DIP2C: variants seen among roughly 807,000 people sequenced by gnomAD.
DIP2C encodes the protein disco-interacting protein 2 homolog C.
A neutral mutation model predicts 192.4 loss-of-function variants in DIP2C; 33 were observed. The observed-to-expected ratio is 0.17, with a 90% CI of 0.13 to 0.23. DIP2C has a LOEUF of 0.23. Among genes scored for constraint, DIP2C ranks in the 10% least tolerant of loss-of-function variants. The probability of loss-of-function intolerance (pLI) is 1.00; values close to 1 mark genes in which losing one functional copy is unlikely to be tolerated. For synonymous variants in DIP2C, 979 were observed against 864.1 expected (o/e 1.13, Z -2.33); for missense variants, 1,537 against 2,110.1 (o/e 0.73, Z 5.32).
intron 29 of DIP2C, 89 bp downstream of exon 29, chr10:341,110 G>T: frequency 1.9e-6 from 3 of 1,567,858 alleles, no homozygotes; most frequent in Non-Finnish European, 2.6e-6. Flanking sequence ...GGGTGTGGGG[G>T]CAGTGCTTAG....
intron 1 of DIP2C, among the ~76,000 whole-genome samples, chr10:504,565 C>A (rs968721932): frequency 6.6e-6 from 1 of 151,904 alleles, no homozygotes. Flanking sequence ...CCAAGTCTGA[C>A]CATGCAGAGA....
chr10:654,315 G>A (rs556969072), intron 1 of DIP2C, among the ~76,000 whole-genome samples: 20 of 152,306 alleles, frequency 1.3e-4, no homozygotes, highest in Non-Finnish European at 2.5e-4. Context: ...AAAGACAGAA[G>A]CCCGTTTCTG....
rs945362868 is a variant in DIP2C, at chr10:555,886, C to T, written c.86-69356G>A. Among the ~76,000 whole-genome samples the T allele has an allele frequency of 2.6e-5, 4 of 152,262 alleles. No individual in the cohort carries two copies. The Middle Eastern group carries it at 0.01, about 388-fold the overall frequency. On this transcript the variant is annotated intron_variant, in intron 1 of 36. Transcript: ENST00000280886. ...TCAAGTCACAGAACACGGTCTTCAG[C>T]GAACACCCTTCCTGCATGACCTCCA...
At position 415,921 on chromosome 10, in the gene DIP2C, G is replaced by T. The variant is rs372738375; in HGVS notation, c.740-33C>A. The T allele has an allele frequency of 6.5e-5, 105 of 1,612,994 alleles. No individual in the cohort carries two copies. In the South Asian group the frequency reaches 1.1e-3, roughly 17 times the overall value. ...ACAGGAATCAGCGGGTGGGGAAAGC[G>T]ATCATCACAGCTTCAATGAGCACCC... On this transcript the variant is annotated intron_variant, in intron 6 of 36. Coordinates refer to ENST00000280886, the MANE Select transcript of DIP2C (RefSeq NM_014974.3).
At position 651,194 on chromosome 10, in the gene DIP2C, A is replaced by T. The variant is rs1159015929; in HGVS notation, c.85+38300T>A. ...GGTCTGGGACCACCGTCCTCCACGC[A>T]TATCTACAGACCCTGTCCTCACCTG... On this transcript the variant is annotated intron_variant, in intron 1 of 36. Coordinates refer to ENST00000280886, the MANE Select transcript of DIP2C (RefSeq NM_014974.3). This position sits in a 1 kb window ranked among gnomAD's most constrained non-coding sequence, Gnocchi z 4.1. 1 of 717,406 alleles carries T rather than the reference A, an allele frequency of 1.4e-6. No individual in the cohort carries two copies. Among genetic ancestry groups the T allele is most frequent in the Admixed American group, 2.0e-5 (1 of 50,020 alleles). The allele number at this position is 717,406 out of a possible 1,614,324, so 44.4% of individuals were successfully genotyped here. A position where few individuals can be genotyped will look rare whatever the true frequency, so the allele number is the denominator to read the frequency against.
intron 17 of DIP2C, chr10:370,070 A>T: frequency 1.0e-6 from 1 of 983,434 alleles, no homozygotes; most frequent in Non-Finnish European, 1.2e-6. Flanking sequence ...AAAACCACTG[A>T]ACAGCAATGA....
intron 1 of DIP2C, among the ~76,000 whole-genome samples, chr10:670,805 C>T (rs1003524058): frequency 2.0e-5 from 3 of 152,188 alleles, no homozygotes; most frequent in African/African-American, 7.2e-5. Flanking sequence ...GTTTTTGAGA[C>T]TATGTCTTCC....
At chr10:551,168 C>T (rs1848565452) in intron 1 of DIP2C, among the ~76,000 whole-genome samples, 1 of 152,230 alleles carries the variant, frequency 6.6e-6, no homozygotes, top group Non-Finnish European at 1.5e-5. Context: ...CACCCACAGC[C>T]AGTCCCCTCC....
chr10:286,448 A>G (rs1955136395), intron 33 of DIP2C, 101 bp from the exon 34 acceptor site: 2 of 1,095,752 alleles, frequency 1.8e-6, no homozygotes, highest in Admixed American at 1.8e-5. Flanking sequence ...TCCTTTCAAG[A>G]CTGTTTAGAA....
chr10:662,024 A>G (rs1856791502), intron 1 of DIP2C: 1 of 715,264 alleles, frequency 1.4e-6, no homozygotes, highest in Non-Finnish European at 2.6e-6. Context: ...AGTGCCCCGC[A>G]GGAGCCTGGC....
At chr10:492,985 G>C (rs1317675117) in intron 1 of DIP2C, among the ~76,000 whole-genome samples, 2 of 152,212 alleles carry the variant, frequency 1.3e-5, no homozygotes, top group African/African-American at 4.8e-5. Flanking sequence ...TATGAATGCC[G>C]ATGGAATTTT....
chr10:332,144 G>T (rs2132475681), intron 29 of DIP2C, among the ~76,000 whole-genome samples: 1 of 152,162 alleles, frequency 6.6e-6, no homozygotes, highest in South Asian at 2.1e-4. Flanking sequence ...TGGAGATGGG[G>T]TCTCACTATG....
At chr10:656,624 T>C (rs1248937079) in intron 1 of DIP2C, among the ~76,000 whole-genome samples, 1 of 152,224 alleles carries the variant, frequency 6.6e-6, no homozygotes, top group Admixed American at 6.5e-5. Flanking sequence ...TGTAAGTCCT[T>C]TGCAGTGTCT....
At chr10:639,393 GTCGGGAGAGTGCTGTCCGGCTCACGGT>G in intron 1 of DIP2C, among the ~76,000 whole-genome samples, 1 of 144,590 alleles carries the variant, frequency 6.9e-6, no homozygotes, top group Non-Finnish European at 1.5e-5. Flanking sequence ...GATGTGTCAG[GTCGGGAGAGTGCTGTCCGGCTCACGGT>G]CCACACATGG....
At chr10:564,254 G>A (rs1163859556) in intron 1 of DIP2C, among the ~76,000 whole-genome samples, 1 of 151,934 alleles carries the variant, frequency 6.6e-6, no homozygotes, top group African/African-American at 2.4e-5. Context: ...GCGTCTGGGT[G>A]AACGTCACTG....
At chr10:515,670 G>A (rs1269900859) in intron 1 of DIP2C, among the ~76,000 whole-genome samples, 1 of 152,160 alleles carries the variant, frequency 6.6e-6, no homozygotes, top group South Asian at 2.1e-4. Context: ...GTTGCGGTGA[G>A]CCAAGATCGC....
chr10:351,035 C>T (rs541387016), intron 24 of DIP2C, among the ~76,000 whole-genome samples: 1 of 152,138 alleles, frequency 6.6e-6, no homozygotes, highest in East Asian at 1.9e-4. Context: ...CTGTCGGGAC[C>T]GGACGCTGTG....
chr10:648,269 G>A (rs1396309934), intron 1 of DIP2C, among the ~76,000 whole-genome samples: 4 of 147,026 alleles, frequency 2.7e-5, no homozygotes, highest in Non-Finnish European at 4.5e-5. Flanking sequence ...GAGAACAAAG[G>A]GAAACTGAGT....
At chr10:448,720 C>T (rs1466371225) in intron 3 of DIP2C, among the ~76,000 whole-genome samples, 1 of 145,422 alleles carries the variant, frequency 6.9e-6, no homozygotes, top group Non-Finnish European at 1.5e-5. Flanking sequence ...CCGCTCACTC[C>T]CATCAATACT....
Sources: gnomAD v4.1 joint callset for allele counts (sites outside exome capture counted in the v4.1 genomes callset) on GRCh38, gnomAD v4.1.1 for gene constraint, Gnocchi (gnomAD v3.1) non-coding constraint, MANE v1.5 for transcripts, NCBI Gene and HGNC (gene_info 2026-07-23, HGNC 2026-07-21) for gene names.